Variants in SLC24A3 observed in about 807,000 individuals in gnomAD.
The protein encoded by SLC24A3 is solute carrier family 24 member 3, also known as sodium/potassium/calcium exchanger 3.
Under a neutral mutation model 75.8 loss-of-function variants are expected in SLC24A3, and 28 were observed. The ratio of observed to expected loss-of-function variants is 0.37; its 90% CI spans 0.27 to 0.51. The LOEUF (loss-of-function observed/expected upper bound fraction) is 0.51. Among genes scored for constraint, SLC24A3 ranks in the 20% least tolerant of loss-of-function variants. The probability of loss-of-function intolerance (pLI) is 0.94; values close to 1 mark genes in which losing one functional copy is unlikely to be tolerated. For missense variants in SLC24A3, 663 were observed against 847.8 expected (o/e 0.78, Z 2.71); for synonymous variants, 372 against 334.1 (o/e 1.11, Z -1.24).
intron 2 of SLC24A3, among the ~76,000 whole-genome samples, chr20:19,436,529 G>A (rs968730955): frequency 2.0e-5 from 3 of 152,246 alleles, no homozygotes; most frequent in Non-Finnish European, 4.4e-5. Flanking sequence ...GCTCCCAGGA[G>A]CTTTGTGGCT....
intron 2 of SLC24A3, among the ~76,000 whole-genome samples, chr20:19,439,494 G>C (rs763653946): frequency 6.6e-6 from 1 of 152,212 alleles, no homozygotes; most frequent in South Asian, 2.1e-4. Context: ...AAGTATATTT[G>C]TGAAACACTT....
chr20:19,552,514 C>G (rs915568454), intron 3 of SLC24A3, among the ~76,000 whole-genome samples: 3 of 152,176 alleles, frequency 2.0e-5, no homozygotes, highest in Non-Finnish European at 4.4e-5. Flanking sequence ...TCCTATTTCC[C>G]CCAAGTTAAG....
At chr20:19,251,060 G>A (rs1048953236) in intron 1 of SLC24A3, among the ~76,000 whole-genome samples, 1 of 152,066 alleles carries the variant, frequency 6.6e-6, no homozygotes, top group African/African-American at 2.4e-5. Context: ...TTCCATTCTG[G>A]TACCATTACA....
intron 1 of SLC24A3, among the ~76,000 whole-genome samples, chr20:19,234,816 T>A (rs1263525633): frequency 6.6e-6 from 1 of 152,206 alleles, no homozygotes; most frequent in East Asian, 1.9e-4. Flanking sequence ...GTACTGATTA[T>A]TTTGATGGTT....
At chr20:19,285,875 T>A (rs569472640) in intron 2 of SLC24A3, among the ~76,000 whole-genome samples, 3 of 152,366 alleles carry the variant, frequency 2.0e-5, no homozygotes, top group Admixed American at 2.0e-4. Flanking sequence ...AATATTTATT[T>A]GTGCACTTTA....
Position 19,610,312 on chromosome 20 carries a change from G to A in SLC24A3, c.612+24768G>A, listed in dbSNP as rs1466546107. ...CTAGGTACAATTTTGCTTCTCCAAG[G>A]TGTACAACATTAATCTTAAAATAAA... On this transcript the variant is annotated intron_variant, in intron 6 of 16. Transcript: ENST00000328041. Among the ~76,000 whole-genome samples, 5 of 152,238 alleles carry A rather than the reference G, an allele frequency of 3.3e-5. No individual in the cohort carries two copies. The South Asian group carries it at 8.3e-4, about 25-fold the overall frequency.
intron 2 of SLC24A3, among the ~76,000 whole-genome samples, chr20:19,429,961 G>T (rs1012222327): frequency 1.3e-5 from 2 of 152,128 alleles, no homozygotes; most frequent in African/African-American, 4.8e-5. Flanking sequence ...GAGGGCCTGG[G>T]CTGTGATTTA....
At chr20:19,452,474 G>A (rs1035961345) in intron 2 of SLC24A3, among the ~76,000 whole-genome samples, 10 of 150,768 alleles carry the variant, frequency 6.6e-5, no homozygotes, top group African/African-American at 2.5e-4. Context: ...AAGGAAGGGA[G>A]AATGTGAGAG....
At position 19,212,792 on chromosome 20, in the gene SLC24A3, C is replaced by A; in HGVS notation, c.-51C>A. The A allele has an allele frequency of 3.1e-6, 3 of 978,716 alleles. No individual in the cohort carries two copies. Among genetic ancestry groups the A allele is most frequent in the Non-Finnish European group, 3.6e-6 (3 of 826,950 alleles). 60.6% of individuals were successfully genotyped at this position (978,716 alleles called of 1,614,324 possible). A position where few individuals can be genotyped will look rare whatever the true frequency, so the allele number is the denominator to read the frequency against. ...TGCCGCTGTCCCCGCCGCGGCCGCC[C>A]GCGACAGGAGCGGCCGCCGCCCGCC... On this transcript the variant is annotated 5_prime_UTR_variant, in exon 1 of 17. Coordinates refer to ENST00000328041, the MANE Select transcript of SLC24A3 (RefSeq NM_020689.4).
intron 6 of SLC24A3, among the ~76,000 whole-genome samples, chr20:19,638,657 T>G (rs1367038755): frequency 6.6e-6 from 1 of 152,198 alleles, no homozygotes; most frequent in Non-Finnish European, 1.5e-5. Flanking sequence ...GTGCTATTAT[T>G]ATCCCTATTT....
At chr20:19,555,459 C>T (rs1390307121) in intron 3 of SLC24A3, among the ~76,000 whole-genome samples, 2 of 152,114 alleles carry the variant, frequency 1.3e-5, no homozygotes, top group African/African-American at 4.8e-5. Flanking sequence ...TTAGTCTCGA[C>T]AATGGGAAAG....
At chr20:19,279,897 A>G (rs748068056) in intron 1 of SLC24A3, among the ~76,000 whole-genome samples, 11 of 152,226 alleles carry the variant, frequency 7.2e-5, no homozygotes, top group Non-Finnish European at 1.3e-4. Flanking sequence ...GAACCAAGTA[A>G]TATGGGTCGA....
chr20:19,284,759 G>A (rs1483569102), intron 2 of SLC24A3, among the ~76,000 whole-genome samples: 1 of 152,198 alleles, frequency 6.6e-6, no homozygotes, highest in Non-Finnish European at 1.5e-5. Flanking sequence ...TAGATTCAGA[G>A]ACTGGAGACA....
chr20:19,659,005 C>G (rs2032297156), intron 7 of SLC24A3, among the ~76,000 whole-genome samples: 1 of 152,212 alleles, frequency 6.6e-6, no homozygotes, highest in Non-Finnish European at 1.5e-5. Context: ...ATTACATAGG[C>G]AGTCTAGCAG....
intron 1 of SLC24A3, among the ~76,000 whole-genome samples, chr20:19,222,871 TG>T (rs1248484415): frequency 6.7e-6 from 1 of 150,080 alleles, no homozygotes. Flanking sequence ...CACATGAATC[TG>T]GTAAGAGCTA....
chr20:19,218,170 G>A (rs1366867554), intron 1 of SLC24A3, among the ~76,000 whole-genome samples: 1 of 152,196 alleles, frequency 6.6e-6, no homozygotes, highest in East Asian at 1.9e-4. Flanking sequence ...CAGTGCCTGT[G>A]ATAAAAGTAG....
chr20:19,535,205 G>A (rs1233858314), intron 3 of SLC24A3, among the ~76,000 whole-genome samples: 1 of 152,244 alleles, frequency 6.6e-6, no homozygotes, highest in East Asian at 1.9e-4. Context: ...TGTAACAAAT[G>A]ATGCTACATT....
chr20:19,479,914 A>C (rs912638845), intron 2 of SLC24A3, among the ~76,000 whole-genome samples: 1 of 152,208 alleles, frequency 6.6e-6, no homozygotes, highest in Non-Finnish European at 1.5e-5. Context: ...AAAATTTTAA[A>C]GGGCCTTGGC....
chr20:19,602,365 T>G (rs1197064548), intron 6 of SLC24A3, among the ~76,000 whole-genome samples: 1 of 152,148 alleles, frequency 6.6e-6, no homozygotes, highest in East Asian at 1.9e-4. Context: ...TTGGTGTCAA[T>G]GGGTGGCTTG....
Sources: allele counts gnomAD v4.1 joint callset (sites outside exome capture counted in the v4.1 genomes callset), GRCh38; gene constraint gnomAD v4.1.1; transcripts MANE v1.5; gene names NCBI Gene and HGNC (gene_info 2026-07-23, HGNC 2026-07-21).